The following PPP1R11 variants were observed in gnomAD, a reference collection of about 807,000 sequenced individuals.
The protein encoded by PPP1R11 is protein phosphatase 1 regulatory inhibitor subunit 11.
A neutral mutation model predicts 11.3 loss-of-function variants in PPP1R11; 10 were observed. The observed-to-expected ratio is 0.88, with a 90% CI of 0.55 to 1.50. PPP1R11 has a LOEUF of 1.50. PPP1R11 is among the 40% of genes most tolerant of loss of function. The pLI, the probability that PPP1R11 is intolerant of heterozygous loss-of-function variation, is 0.00. For synonymous variants in PPP1R11, 56 were observed against 62.3 expected, an observed-to-expected ratio of 0.90 and a Z score of 0.48; for missense variants, 114 against 179.1, an observed-to-expected ratio of 0.64 and a Z score of 2.07.
In PPP1R11 at chr6:30,069,371, C is replaced by G. The variant is rs1271714373; in HGVS notation, c.*65C>G. 1 of 1,214,700 alleles carries G rather than the reference C, an allele frequency of 8.2e-7. No homozygotes were observed. The highest frequency in any genetic ancestry group is 1.1e-6 in the Non-Finnish European group (1 of 870,340). The allele number at this position is 1,214,700 out of a possible 1,614,324, so 75.2% of individuals were successfully genotyped here. On this transcript the variant is annotated 3_prime_UTR_variant, in exon 3 of 3. Transcript: ENST00000376772. This position sits in a 1 kb window ranked among gnomAD's most constrained non-coding sequence, Gnocchi z 6.6. ...TAAATGTATCCATGTGGCTACTTCT[C>G]CAGCCCCCTCCTTCCCTCTCTTCTG...
chr6:30,067,267 C>T lies in PPP1R11; in HGVS notation c.-144C>T. 1 of 828,614 alleles carries T rather than the reference C, an allele frequency of 1.2e-6. No individual in the cohort carries two copies. Among genetic ancestry groups the T allele is most frequent in the South Asian group, 1.8e-5 (1 of 54,972 alleles). 51.3% of individuals were successfully genotyped at this position (828,614 alleles called of 1,614,324 possible). A position where few individuals can be genotyped will look rare whatever the true frequency, so the allele number is the denominator to read the frequency against. ...ATCCCCAGGGGTGGAGAAGCGGAGG[C>T]CCAGGAGGAGGGGGAATAAAGAAGG... On this transcript the variant is annotated 5_prime_UTR_variant, in exon 1 of 3. Transcript: ENST00000376772.
At chr6:30,061,421 T>G in the PPP1R11 span, 2 of 1,363,568 alleles carry the variant, frequency 1.5e-6, no homozygotes, top group Non-Finnish European at 1.0e-6. The surrounding 1 kb of genome is among the most constrained non-coding windows in gnomAD (Gnocchi z 5.0). Context: ...AGGGTTCGGG[T>G]TATATACTCC....
Position 30,067,277 on chromosome 6 carries a change from G to T in PPP1R11, c.-134G>T. On this transcript the variant is annotated 5_prime_UTR_variant, in exon 1 of 3. The change creates a new upstream start codon in the 5' untranslated region. Transcript: ENST00000376772. Reference sequence around the variant, plus strand: ...GTGGAGAAGCGGAGGCCCAGGAGGAGGGGGAATAAAGAAGGTGGAGGATCC... The same window carrying T: ...GTGGAGAAGCGGAGGCCCAGGAGGATGGGGAATAAAGAAGGTGGAGGATCC... 1 of 909,036 alleles carries T rather than the reference G, an allele frequency of 1.1e-6. No homozygotes were observed. Among genetic ancestry groups the T allele is most frequent in the Non-Finnish European group, 1.7e-6 (1 of 592,152 alleles). The allele number at this position is 909,036 out of a possible 1,614,324, so 56.3% of individuals were successfully genotyped here.
upstream of PPP1R11, chr6:30,064,665 C>T: frequency 6.2e-7 from 1 of 1,607,028 alleles, no homozygotes; most frequent in South Asian, 1.1e-5. Context: ...TCCTTTCTTT[C>T]CTCATAGGTT....
chr6:30,067,497 G>C lies in PPP1R11; in HGVS notation c.69+18G>C, dbSNP rs200286589. 3.1e-6 allele frequency: 5 copies of C among 1,612,088 alleles called. No individual in the cohort carries two copies. In the Admixed American group the frequency reaches 8.3e-5, roughly 27 times the overall value. On this transcript the variant is annotated intron_variant, in intron 1 of 2. Coordinates refer to ENST00000376772, the MANE Select transcript of PPP1R11 (RefSeq NM_021959.3). ...CCGAGCCCGTGAGAAAGGCGGGGGGGCGGTGCTGTTTAGGGGTCTGGGAGA... is the reference window on the plus strand; with the variant it reads ...CCGAGCCCGTGAGAAAGGCGGGGGGCCGGTGCTGTTTAGGGGTCTGGGAGA...
Position 30,067,392 on chromosome 6 carries a change from C to A in PPP1R11, c.-19C>A, listed in dbSNP as rs1177370900. The A allele has an allele frequency of 1.2e-6, 2 of 1,612,270 alleles. No individual in the cohort carries two copies. On this transcript the variant is annotated 5_prime_UTR_variant, in exon 1 of 3. Coordinates refer to ENST00000376772, the MANE Select transcript of PPP1R11 (RefSeq NM_021959.3). The stretch of plus-strand genomic sequence containing the variant: ...TCTCATCCCCCTTCCTCCTCTCCTC[C>A]CTGTCCTGAGCCTTAGCCATGGCCG...
upstream of PPP1R11, among the ~76,000 whole-genome samples, chr6:30,066,225 A>G (rs1765513653): frequency 6.6e-6 from 1 of 152,190 alleles, no homozygotes; most frequent in Non-Finnish European, 1.5e-5. Context: ...AGGTTCTTCC[A>G]TATAACCACT....
At chr6:30,068,493 T>C (rs1233604852) in intron 1 of PPP1R11, 97 bp from the exon 2 acceptor site, 8 of 949,790 alleles carry the variant, frequency 8.4e-6, no homozygotes, top group East Asian at 2.4e-5. Context: ...ATGGTACTGA[T>C]TGAGCTAAAG....
In PPP1R11 at chr6:30,068,573, C is replaced by G; in HGVS notation, c.70-17C>G. The G allele has an allele frequency of 1.9e-6, 3 of 1,603,592 alleles. No homozygotes were observed. The highest frequency in any genetic ancestry group is 2.6e-6 in the Non-Finnish European group (3 of 1,173,192). On this transcript the variant is annotated splice_polypyrimidine_tract_variant and intron_variant, in intron 1 of 2. Coordinates refer to ENST00000376772, the MANE Select transcript of PPP1R11 (RefSeq NM_021959.3). ...TAAGAGGGGACTAGATAGGTATGCT[C>G]ATCCTTAACCTTCTAGGAGAACCGG... is the stretch of plus-strand genomic sequence containing the variant.
At chr6:30,067,024 T>G, upstream of PPP1R11, 1 of 213,558 alleles carries the variant, frequency 4.7e-6, no homozygotes, top group South Asian at 8.4e-5. Context: ...GTACGCGTGC[T>G]GCCCCAGACT....
At chr6:30,062,140 A>G (rs1399026291), upstream of PPP1R11, 1 of 1,452,180 alleles carries the variant, frequency 6.9e-7, no homozygotes, top group South Asian at 1.1e-5. Flanking sequence ...TAAACCATCG[A>G]CGTTTGAGAG....
upstream of PPP1R11, chr6:30,065,038 TAAAC>T: frequency 4.1e-6 from 1 of 241,040 alleles, no homozygotes; most frequent in Non-Finnish European, 7.8e-6. The surrounding 1 kb of genome is among the most constrained non-coding windows in gnomAD (Gnocchi z 5.3). Flanking sequence ...GAGGCTAATA[TAAAC>T]AAAAAGCAAT....
rs771734349 is a variant in PPP1R11, at chr6:30,069,099, T to A, written c.179-5T>A. The A allele has an allele frequency of 6.3e-7, 1 of 1,594,796 alleles. No homozygotes were observed. Among genetic ancestry groups the A allele is most frequent in the Admixed American group, 1.7e-5 (1 of 59,986 alleles). On this transcript the variant is annotated splice_region_variant and splice_polypyrimidine_tract_variant and intron_variant, in intron 2 of 2. Coordinates refer to ENST00000376772, the MANE Select transcript of PPP1R11 (RefSeq NM_021959.3). This position sits in a 1 kb window ranked among gnomAD's most constrained non-coding sequence, Gnocchi z 6.6. The stretch of plus-strand genomic sequence containing the variant: ...CTTTAACTGGGCTCCTCCCTCTAAA[T>A]CTAGGCTGCTGTATTTATGAGAAAC...
upstream of PPP1R11, among the ~76,000 whole-genome samples, chr6:30,066,496 C>T (rs1765538156): frequency 6.6e-6 from 1 of 152,224 alleles, no homozygotes; most frequent in African/African-American, 2.4e-5. Context: ...AATATGTTGG[C>T]AGTATGTAAC....
upstream of PPP1R11, among the ~76,000 whole-genome samples, chr6:30,062,620 G>C (rs923573753): frequency 2.5e-5 from 3 of 121,610 alleles, no homozygotes; most frequent in African/African-American, 9.6e-5. Context: ...AGGCAATCTT[G>C]GCTCACTGCA....
At chr6:30,067,080 T>G, upstream of PPP1R11, 1 of 335,698 alleles carries the variant, frequency 3.0e-6, no homozygotes. Flanking sequence ...TCCGCCAAAT[T>G]TGTTTCTCTT....
chr6:30,068,784 G>C, intron 2 of PPP1R11, 86 bp downstream of exon 2: 1 of 1,194,816 alleles, frequency 8.4e-7, no homozygotes, highest in Admixed American at 2.2e-5. Context: ...TGGCTTTCCA[G>C]AAGCCCCCAG....
chr6:30,061,949 G>C (rs774784744), upstream of PPP1R11: 4 of 1,613,140 alleles, frequency 2.5e-6, no homozygotes, highest in Non-Finnish European at 3.4e-6. The surrounding 1 kb of genome is among the most constrained non-coding windows in gnomAD (Gnocchi z 5.0). Context: ...GACTTCGGTT[G>C]TGTTCCACCA....
At chr6:30,066,455 C>T (rs891223783), upstream of PPP1R11, among the ~76,000 whole-genome samples, 10 of 152,200 alleles carry the variant, frequency 6.6e-5, no homozygotes, top group African/African-American at 2.4e-4. Flanking sequence ...CATTTCTCTG[C>T]TTCATCCTAC....
Sources: allele counts gnomAD v4.1 joint callset (sites outside exome capture counted in the v4.1 genomes callset), GRCh38; gene constraint gnomAD v4.1.1; non-coding constraint Gnocchi (gnomAD v3.1); transcripts MANE v1.5; gene names NCBI Gene and HGNC (gene_info 2026-07-23, HGNC 2026-07-21).